The following LPIN2 variants were observed in gnomAD, a reference collection of about 807,000 sequenced individuals.
The protein encoded by LPIN2 is phosphatidate phosphatase LPIN2.
LPIN2 carries 55 observed loss-of-function variants against 111.4 expected under a neutral mutation model. The observed-to-expected ratio is 0.49, with a 90% CI of 0.40 to 0.62. LPIN2 has a LOEUF of 0.62. LPIN2 is among the 20% of genes least tolerant of loss of function. The probability of loss-of-function intolerance (pLI) is 0.00; values close to 1 mark genes in which losing one functional copy is unlikely to be tolerated. For missense variants in LPIN2, 992 were observed against 1,112.1 expected, an observed-to-expected ratio of 0.89 and a Z score of 1.54; for synonymous variants, 425 against 414.0, an observed-to-expected ratio of 1.03 and a Z score of -0.32.
intron 1 of LPIN2, among the ~76,000 whole-genome samples, chr18:3,004,821 C>T (rs376333803): frequency 9.2e-5 from 14 of 152,084 alleles, no homozygotes; most frequent in African/African-American, 1.7e-4. Flanking sequence ...CTCAGCCCAG[C>T]GATATGCTCA....
rs139703168 is a variant in LPIN2, at chr18:2,964,503, G to A, written c.-9-3654C>T. ...ATTAGTGTCCTTCTAAGAGGAGAAA[G>A]AGACCCAGACCACGCTCTCTTTCCT... On this transcript the variant is annotated intron_variant, in intron 1 of 19. Transcript: ENST00000677752. Among the ~76,000 whole-genome samples, 992 of 152,200 alleles carry A rather than the reference G, an allele frequency of 6.5e-3. 14 individuals are homozygous for A. The highest frequency in any genetic ancestry group is 0.022 in the African/African-American group (925 of 41,514).
chr18:2,950,106 AAAAAC>A (rs1299078033), intron 4 of LPIN2, among the ~76,000 whole-genome samples: 1 of 152,190 alleles, frequency 6.6e-6, no homozygotes, highest in Non-Finnish European at 1.5e-5. Context: ...GTCTCAATTA[AAAAAC>A]AAAACAAAAC....
At chr18:2,993,536 T>A (rs1162419899) in intron 1 of LPIN2, among the ~76,000 whole-genome samples, 2 of 152,214 alleles carry the variant, frequency 1.3e-5, no homozygotes, top group African/African-American at 2.4e-5. Context: ...CTCTACTAAG[T>A]AGAAAGCAAA....
chr18:2,922,316 C>T, intron 16 of LPIN2, 117 bp from the exon 17 acceptor site: 1 of 1,239,686 alleles, frequency 8.1e-7, no homozygotes, highest in Non-Finnish European at 1.1e-6. Context: ...ACTCTGTTAC[C>T]CAGGCTGGAG....
intron 1 of LPIN2, among the ~76,000 whole-genome samples, chr18:3,005,257 G>A (rs558068012): frequency 1.3e-5 from 2 of 151,728 alleles, no homozygotes; most frequent in Non-Finnish European, 1.5e-5. Context: ...AGCCAAGGCA[G>A]GAGAATCGTT....
At chr18:2,970,891 GAGT>G (rs923444194) in intron 1 of LPIN2, among the ~76,000 whole-genome samples, 6 of 152,156 alleles carry the variant, frequency 3.9e-5, no homozygotes, top group African/African-American at 1.4e-4. Context: ...TCTGCTCACT[GAGT>G]TCACTTCACT....
Position 2,951,039 on chromosome 18 carries a change from A to G in LPIN2, c.590+16T>C. The G allele has an allele frequency of 6.2e-7, 1 of 1,613,826 alleles. No individual in the cohort carries two copies. Among genetic ancestry groups the G allele is most frequent in the Non-Finnish European group, 8.5e-7 (1 of 1,180,010 alleles). On this transcript the variant is annotated intron_variant, in intron 4 of 19. Transcript: ENST00000677752. The stretch of plus-strand genomic sequence containing the variant: ...TAGGTACCCGCACAAGACCCTTCCC[A>G]GGCTGAGAGTCCTACCGTGCTGCCT...
Position 2,960,864 on chromosome 18 carries a change from A to G in LPIN2, c.-9-15T>C. 6.2e-7 allele frequency: 1 copy of G among 1,603,564 alleles called. No homozygotes were observed. The highest frequency in any genetic ancestry group is 1.1e-5 in the South Asian group (1 of 90,300). ...ATGGTTTGAGACTACAAGAAACAAA[A>G]ATTAGATGAGATGTTAACACTAAAT... is the stretch of plus-strand genomic sequence containing the variant. On this transcript the variant is annotated splice_polypyrimidine_tract_variant and intron_variant, in intron 1 of 19. Transcript: ENST00000677752.
chr18:3,002,830 T>C (rs752946563), intron 1 of LPIN2, among the ~76,000 whole-genome samples: 1 of 152,210 alleles, frequency 6.6e-6, no homozygotes, highest in Non-Finnish European at 1.5e-5. Context: ...CAAGCAGTAC[T>C]CCCTTCTAAG....
At chr18:2,995,460 A>C (rs1450636509) in intron 1 of LPIN2, among the ~76,000 whole-genome samples, 1 of 152,152 alleles carries the variant, frequency 6.6e-6, no homozygotes, top group Non-Finnish European at 1.5e-5. Context: ...CTGTTTAGTC[A>C]CATCTACACT....
chr18:2,929,910 A>T (rs1332824687), intron 9 of LPIN2, among the ~76,000 whole-genome samples: 4 of 152,208 alleles, frequency 2.6e-5, no homozygotes, highest in Non-Finnish European at 4.4e-5. Context: ...GCTCTGTCTT[A>T]AATAATAAAA....
intron 4 of LPIN2, chr18:2,945,561 G>A (rs1430690442): frequency 3.7e-5 from 55 of 1,486,008 alleles, no homozygotes; most frequent in South Asian, 9.1e-5. Context: ...CTGCTGTGTC[G>A]TCTTTTTGTT....
At chr18:3,003,373 G>A (rs562223956) in intron 1 of LPIN2, among the ~76,000 whole-genome samples, 3 of 152,202 alleles carry the variant, frequency 2.0e-5, no homozygotes, top group Non-Finnish European at 4.4e-5. Flanking sequence ...ATACTCACTT[G>A]TATTAGGGGT....
chr18:2,926,706 G>A lies in LPIN2; in HGVS notation c.1793+17C>T, dbSNP rs188429587. 2.6e-4 allele frequency: 411 copies of A among 1,609,880 alleles called. No individual in the cohort carries two copies. Among genetic ancestry groups the A allele is most frequent in the Non-Finnish European group, 3.4e-4 (401 of 1,179,244 alleles). On this transcript the variant is annotated intron_variant, in intron 13 of 19. Transcript: ENST00000677752. The stretch of plus-strand genomic sequence containing the variant: ...GGGCCTGAGTGCTATGAGCCGGGCA[G>A]AGGACAGGGCACCCACCTGGCACCG...
chr18:2,960,569 A>G, intron 2 of LPIN2, 80 bp downstream of exon 2: 2 of 1,415,108 alleles, frequency 1.4e-6, no homozygotes, highest in South Asian at 2.3e-5. Context: ...ATAGAGGATG[A>G]CTTTTCTACT....
chr18:2,949,017 G>T (rs907727452), intron 4 of LPIN2, among the ~76,000 whole-genome samples: 3 of 152,024 alleles, frequency 2.0e-5, no homozygotes, highest in African/African-American at 7.3e-5. Context: ...TGGCCAGGCT[G>T]GTCTCCAACT....
At position 2,999,598 on chromosome 18, in the gene LPIN2, C is replaced by T. The variant is rs1290961489; in HGVS notation, c.-10+13489G>A. Among the ~76,000 whole-genome samples, 7 of 116,290 alleles carry T rather than the reference C, an allele frequency of 6.0e-5. No homozygotes were observed. The South Asian group carries it at 2.0e-3, about 33-fold the overall frequency. The allele number at this position is 116,290 out of a possible 152,430, so 76.3% of individuals were successfully genotyped here. ...CAGCCTGGGTGACAGAGAGAAACTC[C>T]GTCTCAAAAAGAAAAAAAAAAAAGA... On this transcript the variant is annotated intron_variant, in intron 1 of 19. Transcript: ENST00000677752.
chr18:2,964,705 A>G (rs1216159661), intron 1 of LPIN2, among the ~76,000 whole-genome samples: 1 of 152,234 alleles, frequency 6.6e-6, no homozygotes, highest in African/African-American at 2.4e-5. Context: ...TAAACATCGC[A>G]TGCTATGCTG....
At chr18:2,993,976 A>T (rs1274791252) in intron 1 of LPIN2, among the ~76,000 whole-genome samples, 1 of 152,178 alleles carries the variant, frequency 6.6e-6, no homozygotes, top group Non-Finnish European at 1.5e-5. Flanking sequence ...TCTAAACCAC[A>T]CTGCTATTTG....
Sources: gnomAD v4.1 joint callset for allele counts (sites outside exome capture counted in the v4.1 genomes callset) on GRCh38, gnomAD v4.1.1 for gene constraint, MANE v1.5 for transcripts, NCBI Gene and HGNC (gene_info 2026-07-23, HGNC 2026-07-21) for gene names.